The following ASNS variants were observed in gnomAD, a reference collection of about 807,000 sequenced individuals.
The protein encoded by ASNS is asparagine synthetase (glutamine-hydrolyzing).
Under a neutral mutation model 62.6 loss-of-function variants are expected in ASNS, and 37 were observed. That is an observed-to-expected ratio of 0.59 (90% CI 0.45 to 0.78). The LOEUF (loss-of-function observed/expected upper bound fraction) is 0.78, where lower values mean the gene tolerates loss of function less well. Among genes scored for constraint, ASNS ranks in the 30% least tolerant of loss-of-function variants. ASNS has a pLI of 0.00. For synonymous variants in ASNS, 207 were observed against 237.9 expected, an observed-to-expected ratio of 0.87 and a Z score of 1.19; for missense variants, 520 against 682.4, an observed-to-expected ratio of 0.76 and a Z score of 2.65.
At chr7:97,912,890 A>T in the ASNS span, 3 of 149,658 alleles carry the variant, frequency 2.0e-5, no homozygotes, top group African/African-American at 7.4e-5. Context: ...CCAATTTGCT[A>T]TTTTTTTTTT....
At chr7:97,873,552 C>T (rs1792371714), upstream of ASNS, among the ~76,000 whole-genome samples, 1 of 152,198 alleles carries the variant, frequency 6.6e-6, no homozygotes, top group Non-Finnish European at 1.5e-5. Flanking sequence ...ATCAAACAGA[C>T]TTTGCTGTAT....
At chr7:97,912,591 T>TTTTC in the ASNS span, among the ~76,000 whole-genome samples, 131 of 79,380 alleles carry the variant, frequency 1.7e-3, 15 homozygotes, top group African/African-American at 5.8e-3. Flanking sequence ...TTTTTTTTTT[T>TTTTC]TTCTGTTTTC....
intron 1 of ASNS, 37 bp downstream of exon 1, chr7:97,872,314 G>GCGGGGCGCAGGGCACGGGGCGCAGGGCA (rs1554351278): frequency 1.3e-5 from 2 of 153,348 alleles, no homozygotes; most frequent in African/African-American, 4.8e-5. Flanking sequence ...GGATGCTGGC[G>GCGGGGCGCAGGGCACGGGGCGCAGGGCA]CGGGGCGCAG....
chr7:97,913,644 T>C, the ASNS span, among the ~76,000 whole-genome samples: 1 of 151,614 alleles, frequency 6.6e-6, no homozygotes, highest in Non-Finnish European at 1.5e-5. Flanking sequence ...AAGCACAGTT[T>C]CTATAACTTG....
chr7:97,909,643 C>A, the ASNS span, among the ~76,000 whole-genome samples: 2 of 152,174 alleles, frequency 1.3e-5, no homozygotes, highest in Non-Finnish European at 2.9e-5. Flanking sequence ...TCTGATCATA[C>A]CCACTCCGCA....
chr7:97,876,791 T>A (rs34794332), upstream of ASNS, among the ~76,000 whole-genome samples: 2 of 152,014 alleles, frequency 1.3e-5, no homozygotes, highest in Non-Finnish European at 2.9e-5. Flanking sequence ...GTTCAGTACC[T>A]TGTAACACTG....
chr7:97,861,944 A>T (rs1030317880), intron 4 of ASNS, among the ~76,000 whole-genome samples: 1 of 152,064 alleles, frequency 6.6e-6, no homozygotes, highest in Non-Finnish European at 1.5e-5. Context: ...TGCTTTCTTA[A>T]TTTCATTTTG....
intron 10 of ASNS, among the ~76,000 whole-genome samples, chr7:97,853,618 A>G (rs1333449942): frequency 2.6e-5 from 4 of 152,228 alleles, no homozygotes; most frequent in Non-Finnish European, 5.9e-5. Context: ...ACTAACTGAG[A>G]CTATTACTTT....
the ASNS span, among the ~76,000 whole-genome samples, chr7:97,919,836 A>G: frequency 6.6e-6 from 1 of 151,530 alleles, no homozygotes; most frequent in Non-Finnish European, 1.5e-5. Context: ...CCTGAACACA[A>G]GGAAAAGGAA....
the ASNS span, among the ~76,000 whole-genome samples, chr7:97,883,369 G>A: frequency 2.0e-5 from 3 of 152,138 alleles, no homozygotes; most frequent in South Asian, 2.1e-4. Context: ...AGGCTGGAGG[G>A]CCCACTTGGG....
chr7:97,927,919 C>T, the ASNS span, among the ~76,000 whole-genome samples: 1 of 152,254 alleles, frequency 6.6e-6, no homozygotes, highest in African/African-American at 2.4e-5. Context: ...ATGCAGCCCA[C>T]GGCGAGGAGG....
In ASNS at chr7:97,862,172, T is replaced by C. The variant is rs141128655; in HGVS notation, c.487+2087A>G. On this transcript the variant is annotated intron_variant, in intron 4 of 12. Transcript: ENST00000394308. ...ACAAATTGCATTGCATGCAAACAAA[T>C]GGAATATTATTCAGCAAGCACACCA... Among the ~76,000 whole-genome samples the C allele has an allele frequency of 5.2e-3, 793 of 152,210 alleles. 7 individuals carry two copies. Among genetic ancestry groups the C allele is most frequent in the African/African-American group, 0.018 (750 of 41,534 alleles).
At chr7:97,883,247 AAGG>A in the ASNS span, among the ~76,000 whole-genome samples, 8 of 152,184 alleles carry the variant, frequency 5.3e-5, no homozygotes, top group Non-Finnish European at 1.2e-4. Flanking sequence ...GGGCATAGGG[AAGG>A]AGGAGTTGTT....
chr7:97,898,523 AG>A, the ASNS span: 1 of 573,234 alleles, frequency 1.7e-6, no homozygotes, highest in South Asian at 1.6e-5. Context: ...TAAATTGGCA[AG>A]CCTTTTCTAT....
At chr7:97,896,423 C>CT in the ASNS span, among the ~76,000 whole-genome samples, 12 of 145,074 alleles carry the variant, frequency 8.3e-5, no homozygotes, top group Non-Finnish European at 1.7e-4. Context: ...CCCGTCTCTA[C>CT]TAAAAAAAAA....
the ASNS span, chr7:97,886,092 C>G: frequency 6.5e-6 from 3 of 458,180 alleles, no homozygotes; most frequent in Admixed American, 5.4e-5. Context: ...AGAGGGGAGG[C>G]CTCATTGCAT....
the ASNS span, among the ~76,000 whole-genome samples, chr7:97,926,236 C>A: frequency 1.3e-5 from 2 of 152,028 alleles, no homozygotes; most frequent in African/African-American, 2.4e-5. Flanking sequence ...CACATTAAAA[C>A]CTCAGCCATC....
chr7:97,889,927 C>CAAA, the ASNS span, among the ~76,000 whole-genome samples: 551 of 38,592 alleles, frequency 0.014, 3 homozygotes, highest in Admixed American at 0.019. Flanking sequence ...ATAATGAATA[C>CAAA]AAAAAAAAAA....
At chr7:97,880,427 CT>C in the ASNS span, among the ~76,000 whole-genome samples, 179 of 152,214 alleles carry the variant, frequency 1.2e-3, no homozygotes, top group Non-Finnish European at 1.9e-3. Context: ...CCTGGCCTGT[CT>C]TTTTTATGTT....
Sources: gnomAD v4.1 joint callset for allele counts (sites outside exome capture counted in the v4.1 genomes callset) on GRCh38, gnomAD v4.1.1 for gene constraint, MANE v1.5 for transcripts, NCBI Gene and HGNC (gene_info 2026-07-23, HGNC 2026-07-21) for gene names.